Variants in ATP1B3 observed in about 807,000 individuals in gnomAD.
ATP1B3 encodes ATPase Na+/K+ transporting subunit beta 3.
Under a neutral mutation model 30.2 loss-of-function variants are expected in ATP1B3, and 10 were observed. That is an observed-to-expected ratio of 0.33 (90% CI 0.20 to 0.56). ATP1B3 has a LOEUF of 0.56. Ranked by LOEUF, ATP1B3 falls within the 20% of genes least tolerant of loss-of-function variation. The pLI is 0.90. For missense variants in ATP1B3, 238 were observed against 336.7 expected, an observed-to-expected ratio of 0.71 and a Z score of 2.29; for synonymous variants, 113 against 117.0, an observed-to-expected ratio of 0.97 and a Z score of 0.22.
At chr3:141,893,456 T>C (rs1189247561) in intron 1 of ATP1B3, among the ~76,000 whole-genome samples, 3 of 152,184 alleles carry the variant, frequency 2.0e-5, no homozygotes, top group African/African-American at 7.2e-5. Context: ...GGAGTTCCTA[T>C]TAGATTTGTT....
chr3:141,901,963 T>C (rs1934170434), intron 1 of ATP1B3, among the ~76,000 whole-genome samples: 1 of 152,232 alleles, frequency 6.6e-6, no homozygotes, highest in Non-Finnish European at 1.5e-5. Flanking sequence ...TTTAAGTTTC[T>C]GTCAGCCCTG....
At chr3:141,896,837 T>C (rs571182658) in intron 1 of ATP1B3, among the ~76,000 whole-genome samples, 1 of 152,326 alleles carries the variant, frequency 6.6e-6, no homozygotes, top group South Asian at 2.1e-4. Context: ...GGCATTGCTG[T>C]CTTTGTTGAG....
At chr3:141,881,596 G>T (rs1040290804) in intron 1 of ATP1B3, among the ~76,000 whole-genome samples, 1 of 152,186 alleles carries the variant, frequency 6.6e-6, no homozygotes, top group Admixed American at 6.6e-5. Flanking sequence ...TTGTAAGATG[G>T]TGTTCTTTGT....
At chr3:141,878,497 T>G (rs1247992120) in intron 1 of ATP1B3, among the ~76,000 whole-genome samples, 2 of 152,202 alleles carry the variant, frequency 1.3e-5, no homozygotes, top group Non-Finnish European at 2.9e-5. Flanking sequence ...CTTTCTCCCT[T>G]CCCCAGTGCT....
chr3:141,921,921 G>GT, intron 5 of ATP1B3, 56 bp from the exon 6 acceptor site: 1 of 990,694 alleles, frequency 1.0e-6, no homozygotes, highest in South Asian at 1.6e-5. Flanking sequence ...TATAAACATA[G>GT]TTTTTACAAA....
chr3:141,899,570 C>G (rs1934124077), intron 1 of ATP1B3, among the ~76,000 whole-genome samples: 1 of 152,096 alleles, frequency 6.6e-6, no homozygotes, highest in African/African-American at 2.4e-5. Context: ...GCTGGTGTTG[C>G]ATAATAAAGA....
At position 141,914,879 on chromosome 3, in the gene ATP1B3, G is replaced by C. The variant is rs111686376; in HGVS notation, c.531+1043G>C. On this transcript the variant is annotated intron_variant, in intron 4 of 6. Transcript: ENST00000286371. ...GGCCTTGGACAACTGACAGCTTCCA[G>C]ATTGTCCCATAGCATTCTAGGTGCT... Among the ~76,000 whole-genome samples the C allele has an allele frequency of 5.9e-5, 9 of 152,320 alleles. 1 individual carries two copies. Among genetic ancestry groups the C allele is most frequent in the African/African-American group, 2.2e-4 (9 of 41,574 alleles).
At chr3:141,902,595 T>C (rs1203519802) in intron 1 of ATP1B3, among the ~76,000 whole-genome samples, 1 of 152,234 alleles carries the variant, frequency 6.6e-6, no homozygotes, top group Non-Finnish European at 1.5e-5. Context: ...ATAATTGATT[T>C]TAAGTGTTCC....
intron 3 of ATP1B3, among the ~76,000 whole-genome samples, chr3:141,912,294 A>C (rs1255925178): frequency 6.6e-6 from 1 of 151,714 alleles, no homozygotes; most frequent in Non-Finnish European, 1.5e-5. Flanking sequence ...TATTTATTTG[A>C]GATGGAGCCT....
At chr3:141,906,008 A>G (rs1383672033) in intron 2 of ATP1B3, among the ~76,000 whole-genome samples, 4 of 149,748 alleles carry the variant, frequency 2.7e-5, no homozygotes, top group African/African-American at 4.8e-5. Context: ...TTAATATATC[A>G]CATGTACATG....
intron 1 of ATP1B3, among the ~76,000 whole-genome samples, chr3:141,898,628 G>A (rs920240638): frequency 1.3e-5 from 2 of 152,194 alleles, no homozygotes; most frequent in Non-Finnish European, 2.9e-5. Flanking sequence ...GGAGGAATTG[G>A]ATCCCTGCTG....
chr3:141,907,274 C>T lies in ATP1B3; in HGVS notation c.346C>T (p.Pro116Ser), dbSNP rs995865803. The T allele has an allele frequency of 5.6e-6, 9 of 1,603,962 alleles. No homozygotes were observed. The East Asian group carries it at 1.1e-4, about 20-fold the overall frequency. The stretch of plus-strand genomic sequence containing the variant: ...TGAAGACCTTAAGAAGTTTCTAAAA[C>T]GTGAGTATGTTTTCTTAGAGTAAGG... ...YIEDLKKFLKPYTLEEQKNLT... is the reference protein window; with the variant it reads ...YIEDLKKFLKSYTLEEQKNLT... Residue 116 changes from proline to serine, a missense_variant and splice_region_variant, in exon 3 of 7, where the codon CCA becomes TCA. Pro to Ser is a moderately conservative substitution (Grantham distance 74). Around this residue, in one of 3 missense-constraint regions of ATP1B3, gnomAD observed 130 missense variants for 148.8 expected, o/e 0.87. Transcript: ENST00000286371.
intron 6 of ATP1B3, among the ~76,000 whole-genome samples, chr3:141,922,347 A>G (rs1393094932): frequency 3.3e-5 from 5 of 152,154 alleles, no homozygotes; most frequent in Non-Finnish European, 7.4e-5. Flanking sequence ...GAGAAAGTAG[A>G]AAAGTACTTA....
chr3:141,922,447 G>A (rs557692691), intron 6 of ATP1B3, among the ~76,000 whole-genome samples: 2 of 151,734 alleles, frequency 1.3e-5, no homozygotes, highest in East Asian at 3.9e-4. Flanking sequence ...GAGGTCAGGA[G>A]TTTGAGACCA....
chr3:141,908,276 C>T (rs1455707502), intron 3 of ATP1B3, among the ~76,000 whole-genome samples: 1 of 151,958 alleles, frequency 6.6e-6, no homozygotes, highest in Non-Finnish European at 1.5e-5. Context: ...AGTTTTTCCT[C>T]CTGTTTTGCT....
At chr3:141,887,995 G>T (rs1933869629) in intron 1 of ATP1B3, among the ~76,000 whole-genome samples, 1 of 152,208 alleles carries the variant, frequency 6.6e-6, no homozygotes, top group Non-Finnish European at 1.5e-5. Flanking sequence ...GATCATAAGT[G>T]AATGCATTTG....
chr3:141,903,599 A>C, intron 1 of ATP1B3, 21 bp from the exon 2 acceptor site: 2 of 1,612,342 alleles, frequency 1.2e-6, no homozygotes, highest in Non-Finnish European at 1.7e-6. Flanking sequence ...CACATTTCAT[A>C]AGTTTTATTT....
chr3:141,887,900 C>T (rs1402657040), intron 1 of ATP1B3, among the ~76,000 whole-genome samples: 1 of 151,940 alleles, frequency 6.6e-6, no homozygotes, highest in Non-Finnish European at 1.5e-5. Flanking sequence ...GCCTTTAGGG[C>T]AGTGGACAGG....
chr3:141,889,818 T>TATATAC lies in ATP1B3; in HGVS notation c.109+12920_109+12925dup, dbSNP rs1180618584. 3.5e-5 allele frequency among the ~76,000 whole-genome samples: 5 copies of TATATAC among 144,354 alleles called. No homozygotes were observed. In the East Asian group the frequency reaches 1.2e-3, roughly 34 times the overall value. The allele number at this position is 144,354 out of a possible 152,430, so 94.7% of individuals were successfully genotyped here. A position where few individuals can be genotyped will look rare whatever the true frequency, so the allele number is the denominator to read the frequency against. On this transcript the variant is annotated intron_variant, in intron 1 of 6. Coordinates refer to ENST00000286371, the MANE Select transcript of ATP1B3 (RefSeq NM_001679.4). ...ACACGTATATCTACATATATGTGTG[T>TATATAC]ATATACATATACATATATATATATA...
Sources: allele counts gnomAD v4.1 joint callset (sites outside exome capture counted in the v4.1 genomes callset), GRCh38; gene constraint gnomAD v4.1.1; regional missense constraint gnomAD v4.1.1; transcripts MANE v1.5; gene names NCBI Gene and HGNC (gene_info 2026-07-23, HGNC 2026-07-21).